Variants in DCAF1 observed in about 807,000 individuals in gnomAD.
DCAF1 encodes DDB1- and CUL4-associated factor 1.
A neutral mutation model predicts 128.0 loss-of-function variants in DCAF1; 15 were observed. The observed-to-expected ratio is 0.12, with a 90% confidence interval of 0.08 to 0.18. The LOEUF is 0.18. Ranked by LOEUF, DCAF1 falls within the 10% of genes least tolerant of loss-of-function variation. DCAF1 has a pLI of 1.00. For missense variants in DCAF1, 988 were observed against 1,649.5 expected (o/e 0.60, Z 6.95); for synonymous variants, 610 against 603.0 (o/e 1.01, Z -0.17).
chr3:51,420,372 T>G lies in DCAF1; in HGVS notation c.2598A>C (p.Thr866=), dbSNP rs1553632091. The G allele has an allele frequency of 6.2e-7, 1 of 1,614,054 alleles. No individual in the cohort carries two copies. Among genetic ancestry groups the G allele is most frequent in the Non-Finnish European group, 8.5e-7 (1 of 1,179,900 alleles). Reference sequence around the variant, plus strand: ...CAGCCTCTTTTGTCAGCACGGTTGCTGTTTCTCCAAGCCCTTTAGAAATAA... The same window carrying G: ...CAGCCTCTTTTGTCAGCACGGTTGCGGTTTCTCCAAGCCCTTTAGAAATAA... ...NHLISKGLGE[T]ATVLTKEADL... Residue 866 remains threonine, a synonymous_variant, in exon 15 of 25, where the codon ACA becomes ACC. Transcript: ENST00000684031. This position sits in a 1 kb window ranked among gnomAD's most constrained non-coding sequence, Gnocchi z 6.5.
At chr3:51,422,489 G>A (rs1476983325) in intron 13 of DCAF1, 58 bp from the exon 14 acceptor site, 7 of 713,034 alleles carry the variant, frequency 9.8e-6, no homozygotes, top group African/African-American at 3.5e-5. Flanking sequence ...AATCAAGAGA[G>A]ACAGAGAGAG....
intron 18 of DCAF1, among the ~76,000 whole-genome samples, chr3:51,415,098 C>T (rs1559482699): frequency 6.6e-6 from 1 of 152,114 alleles, no homozygotes; most frequent in Non-Finnish European, 1.5e-5. Flanking sequence ...ATTTGATTTC[C>T]TTCCCAAGTT....
chr3:51,431,166 C>CAAAAA (rs1700332962), intron 10 of DCAF1, among the ~76,000 whole-genome samples: 1 of 151,908 alleles, frequency 6.6e-6, no homozygotes, highest in South Asian at 2.1e-4. Context: ...GACCCTGCCT[C>CAAAAA]AAAACAAAAA....
intron 6 of DCAF1, among the ~76,000 whole-genome samples, chr3:51,457,343 CGAGAA>C (rs1365020199): frequency 2.0e-5 from 3 of 151,872 alleles, no homozygotes; most frequent in Non-Finnish European, 4.4e-5. Flanking sequence ...TGAAATGAAG[CGAGAA>C]GAGAAGTTTA....
intron 2 of DCAF1, among the ~76,000 whole-genome samples, chr3:51,495,412 C>G (rs1708124149): frequency 1.3e-5 from 2 of 152,092 alleles, no homozygotes; most frequent in Non-Finnish European, 2.9e-5. Context: ...CTTTGGAAGG[C>G]TGAGGTAGGA....
intron 3 of DCAF1, among the ~76,000 whole-genome samples, chr3:51,483,070 C>T (rs547647407): frequency 6.6e-4 from 96 of 145,074 alleles, no homozygotes; most frequent in Non-Finnish European, 1.1e-3. Flanking sequence ...ACCCAGGAGG[C>T]GGAGGTTACA....
In DCAF1 at chr3:51,419,634, A is replaced by G. The variant is rs535346208; in HGVS notation, c.3236+100T>C. 29 of 1,499,648 alleles carry G rather than the reference A, an allele frequency of 1.9e-5. No homozygotes were observed. In the South Asian group the frequency reaches 3.6e-4, roughly 19 times the overall value. The allele number at this position is 1,499,648 out of a possible 1,614,324, so 92.9% of individuals were successfully genotyped here. On this transcript the variant is annotated intron_variant, in intron 15 of 24. Transcript: ENST00000684031. ...TGTTCAAGTATTACACAAAGTAACA[A>G]TCAGTGGTATTTCAGGACAACTATG...
At chr3:51,441,934 TTTA>T (rs781883940) in intron 7 of DCAF1, 37 bp from the exon 8 acceptor site, 7 of 1,545,890 alleles carry the variant, frequency 4.5e-6, no homozygotes, top group Non-Finnish European at 6.0e-6. Context: ...GGGGTGCCTC[TTTA>T]TTAAGGATTA....
At chr3:51,458,702 A>G (rs1703200320) in intron 6 of DCAF1, among the ~76,000 whole-genome samples, 1 of 152,188 alleles carries the variant, frequency 6.6e-6, no homozygotes, top group Non-Finnish European at 1.5e-5. Context: ...AACAGAAATT[A>G]TAACAAACTG....
At chr3:51,477,161 T>TA (rs1705565994) in intron 3 of DCAF1, among the ~76,000 whole-genome samples, 1 of 151,806 alleles carries the variant, frequency 6.6e-6, no homozygotes, top group Admixed American at 6.6e-5. Context: ...CAAAGGCTAA[T>TA]AAAAGGATGA....
chr3:51,449,956 T>G (rs1342711638), intron 6 of DCAF1, among the ~76,000 whole-genome samples: 1 of 152,142 alleles, frequency 6.6e-6, no homozygotes, highest in African/African-American at 2.4e-5. Flanking sequence ...AATAGACCTA[T>G]AAGTAGTAAG....
At chr3:51,423,718 C>G (rs1341424486) in intron 13 of DCAF1, among the ~76,000 whole-genome samples, 1 of 150,366 alleles carries the variant, frequency 6.7e-6, no homozygotes, top group African/African-American at 2.4e-5. Flanking sequence ...ACTCAGGAGG[C>G]TGAGGCAGGA....
At chr3:51,493,996 C>CAA (rs782802686) in intron 2 of DCAF1, among the ~76,000 whole-genome samples, 6 of 74,196 alleles carry the variant, frequency 8.1e-5, no homozygotes, top group Admixed American at 1.5e-4. Flanking sequence ...GATTCCGTCT[C>CAA]AAAAAAAAAA....
intron 22 of DCAF1, among the ~76,000 whole-genome samples, 163 bp from the exon 23 acceptor site, chr3:51,412,643 T>C (rs1698534548): frequency 6.6e-6 from 1 of 151,974 alleles, no homozygotes; most frequent in Non-Finnish European, 1.5e-5. Context: ...CTAGGACACA[T>C]AAAGGGGAAG....
chr3:51,503,342 C>T (rs1708864051), upstream of DCAF1, among the ~76,000 whole-genome samples: 2 of 152,196 alleles, frequency 1.3e-5, no homozygotes, highest in Admixed American at 1.3e-4. Context: ...AGATGGACAG[C>T]ACCAAGTCCT....
chr3:51,469,118 CAA>C (rs1321708414), intron 4 of DCAF1, among the ~76,000 whole-genome samples: 1 of 150,164 alleles, frequency 6.7e-6, no homozygotes, highest in African/African-American at 2.5e-5. Flanking sequence ...CATGTGAGAA[CAA>C]AAGTGTAAGA....
At chr3:51,499,424 A>C (rs1364496541) in intron 1 of DCAF1, among the ~76,000 whole-genome samples, 1 of 152,108 alleles carries the variant, frequency 6.6e-6, no homozygotes, top group Admixed American at 6.5e-5. Flanking sequence ...CGCCCAGGTG[A>C]CTGGAGCTGG....
At chr3:51,434,692 G>C (rs1700662879) in intron 9 of DCAF1, among the ~76,000 whole-genome samples, 1 of 152,152 alleles carries the variant, frequency 6.6e-6, no homozygotes, top group Admixed American at 6.5e-5. Flanking sequence ...CTTGAGCAAA[G>C]TATCTAAACA....
rs926945182 is a variant in DCAF1 at position 51,489,143 on chromosome 3, G to A, written c.-8-5307C>T. On this transcript the variant is annotated intron_variant, in intron 2 of 24. Coordinates refer to ENST00000684031, the MANE Select transcript of DCAF1 (RefSeq NM_001387579.1). ...GCCATTTCTATTAAAACACTGTACT[G>A]GAGTCCTCCGCCTGGCGTGGTGGCT... is the stretch of plus-strand genomic sequence containing the variant. Among the ~76,000 whole-genome samples, 5 of 152,090 alleles carry A rather than the reference G, an allele frequency of 3.3e-5. No individual in the cohort carries two copies. The South Asian group carries it at 6.2e-4, about 19-fold the overall frequency.
Sources: allele counts gnomAD v4.1 joint callset (sites outside exome capture counted in the v4.1 genomes callset), GRCh38; gene constraint gnomAD v4.1.1; non-coding constraint Gnocchi (gnomAD v3.1); transcripts MANE v1.5; gene names NCBI Gene and HGNC (gene_info 2026-07-23, HGNC 2026-07-21).